CHST11: variants seen among roughly 807,000 people sequenced by gnomAD.
CHST11 encodes the protein carbohydrate sulfotransferase 11.
Under a neutral mutation model 30.4 loss-of-function variants are expected in CHST11, and 9 were observed. The observed-to-expected ratio is 0.30, with a 90% CI of 0.18 to 0.52. CHST11 has a LOEUF of 0.52. Ranked by LOEUF, CHST11 falls within the 20% of genes least tolerant of loss-of-function variation. CHST11 has a pLI of 0.97. For missense variants in CHST11, 348 were observed against 460.6 expected (o/e 0.76, Z 2.24); for synonymous variants, 152 against 187.8 (o/e 0.81, Z 1.56).
At chr12:104,610,863 A>G (rs2039053615) in intron 2 of CHST11, among the ~76,000 whole-genome samples, 1 of 152,236 alleles carries the variant, frequency 6.6e-6, no homozygotes, top group Admixed American at 6.5e-5. Context: ...CTTTTTGAGC[A>G]CTGGAGACCT....
At chr12:104,732,985 T>G (rs1277362133) in intron 2 of CHST11, among the ~76,000 whole-genome samples, 2 of 152,258 alleles carry the variant, frequency 1.3e-5, no homozygotes, top group African/African-American at 4.8e-5. Flanking sequence ...ATGCATCGTC[T>G]CACTTAATCT....
chr12:104,488,610 T>C (rs1287659491), intron 1 of CHST11, among the ~76,000 whole-genome samples: 1 of 148,906 alleles, frequency 6.7e-6, no homozygotes, highest in Non-Finnish European at 1.5e-5. Context: ...CGTATGTGTG[T>C]ATGTATGTGT....
chr12:104,515,949 A>C (rs1229117424), intron 1 of CHST11, among the ~76,000 whole-genome samples: 1 of 152,268 alleles, frequency 6.6e-6, no homozygotes, highest in Non-Finnish European at 1.5e-5. Flanking sequence ...AGCATTGGCT[A>C]CAGAGCTGTG....
chr12:104,589,262 A>T (rs538633687), intron 1 of CHST11, among the ~76,000 whole-genome samples: 1 of 152,056 alleles, frequency 6.6e-6, no homozygotes, highest in African/African-American at 2.4e-5. Flanking sequence ...TTAGTCAATG[A>T]TGGTGGCCTG....
intron 2 of CHST11, among the ~76,000 whole-genome samples, chr12:104,673,698 C>A (rs2039715975): frequency 6.6e-6 from 1 of 152,230 alleles, no homozygotes; most frequent in Non-Finnish European, 1.5e-5. Context: ...ACATGTAGCA[C>A]AGCACATTCA....
At chr12:104,693,642 A>G (rs1222123966) in intron 2 of CHST11, among the ~76,000 whole-genome samples, 1 of 152,108 alleles carries the variant, frequency 6.6e-6, no homozygotes, top group African/African-American at 2.4e-5. Flanking sequence ...GTTTTAAGGG[A>G]CCATGAGAAG....
chr12:104,661,608 C>T (rs1028845619), intron 2 of CHST11, among the ~76,000 whole-genome samples: 3 of 152,144 alleles, frequency 2.0e-5, no homozygotes, highest in Non-Finnish European at 2.9e-5. Flanking sequence ...CAGCAAACAG[C>T]GCTTAGCATG....
At chr12:104,752,379 A>G (rs961795089) in intron 2 of CHST11, among the ~76,000 whole-genome samples, 4 of 151,942 alleles carry the variant, frequency 2.6e-5, no homozygotes, top group African/African-American at 9.7e-5. Context: ...CAAAAACCCT[A>G]TTTCCATATC....
chr12:104,753,172 A>G (rs1053184581), intron 2 of CHST11, among the ~76,000 whole-genome samples: 4 of 152,212 alleles, frequency 2.6e-5, no homozygotes, highest in African/African-American at 9.6e-5. Flanking sequence ...ACAGAAGGCA[A>G]TGCCGAGACC....
At chr12:104,675,627 G>A (rs958009644) in intron 2 of CHST11, among the ~76,000 whole-genome samples, 4 of 152,196 alleles carry the variant, frequency 2.6e-5, no homozygotes, top group Non-Finnish European at 5.9e-5. Flanking sequence ...CAATCCAGGG[G>A]TTGAAGAACC....
intron 1 of CHST11, among the ~76,000 whole-genome samples, chr12:104,479,043 G>A (rs1336147977): frequency 1.3e-5 from 2 of 152,106 alleles, no homozygotes; most frequent in Non-Finnish European, 2.9e-5. Context: ...AGAGTCACCT[G>A]TCTTTACTTG....
At chr12:104,566,363 G>C (rs1028877925) in intron 1 of CHST11, among the ~76,000 whole-genome samples, 3 of 152,160 alleles carry the variant, frequency 2.0e-5, no homozygotes, top group Non-Finnish European at 1.5e-5. Context: ...TGCATCTAGC[G>C]GTTGGGGTGG....
intron 1 of CHST11, among the ~76,000 whole-genome samples, chr12:104,461,334 AT>A (rs1220179501): frequency 1.3e-5 from 2 of 152,226 alleles, no homozygotes; most frequent in Non-Finnish European, 2.9e-5. Context: ...GCCGTGAACT[AT>A]TCCTAAAGCT....
intron 1 of CHST11, among the ~76,000 whole-genome samples, chr12:104,506,115 T>C (rs1010792255): frequency 6.6e-6 from 1 of 152,240 alleles, no homozygotes; most frequent in African/African-American, 2.4e-5. Flanking sequence ...GTGGAAGGAA[T>C]GTCCCAAAAA....
At chr12:104,566,785 G>A (rs1411732767) in intron 1 of CHST11, among the ~76,000 whole-genome samples, 1 of 152,162 alleles carries the variant, frequency 6.6e-6, no homozygotes, top group Non-Finnish European at 1.5e-5. Context: ...TTCCCCTAGT[G>A]TGAGTACGGC....
intron 2 of CHST11, among the ~76,000 whole-genome samples, chr12:104,751,192 G>A (rs2040428929): frequency 6.6e-6 from 1 of 152,202 alleles, no homozygotes; most frequent in Non-Finnish European, 1.5e-5. Context: ...TAACTGGCAT[G>A]CTACCTCCCT....
At chr12:104,681,869 C>T (rs1461547214) in intron 2 of CHST11, among the ~76,000 whole-genome samples, 3 of 132,306 alleles carry the variant, frequency 2.3e-5, no homozygotes, top group Non-Finnish European at 3.1e-5. Flanking sequence ...CTCGCTCTGT[C>T]GCCCAGGCTG....
At chr12:104,544,169 A>AGAAAGAAAGAAAGAG (rs2038318387) in intron 1 of CHST11, among the ~76,000 whole-genome samples, 2 of 146,136 alleles carry the variant, frequency 1.4e-5, no homozygotes, top group African/African-American at 5.1e-5. Context: ...AAAGAAAGAA[A>AGAAAGAAAGAAAGAG]GAAAGAAAGA....
chr12:104,512,755 AG>A (rs2037977937), intron 1 of CHST11, among the ~76,000 whole-genome samples: 1 of 152,106 alleles, frequency 6.6e-6, no homozygotes, highest in Non-Finnish European at 1.5e-5. Context: ...GAGGTGGGAG[AG>A]GGGAAAGCAT....
Sources: allele counts gnomAD v4.1 joint callset (sites outside exome capture counted in the v4.1 genomes callset), GRCh38; gene constraint gnomAD v4.1.1; transcripts MANE v1.5; gene names NCBI Gene and HGNC (gene_info 2026-07-23, HGNC 2026-07-21).